Variants in GTF2IRD1 observed in about 807,000 individuals in gnomAD.
The protein encoded by GTF2IRD1 is GTF2I repeat domain containing 1.
GTF2IRD1 carries 26 observed loss-of-function variants against 113.2 expected under a neutral mutation model. That is an observed-to-expected ratio of 0.23 (90% confidence interval 0.17 to 0.32). GTF2IRD1 has a LOEUF of 0.32. Ranked by LOEUF, GTF2IRD1 falls within the 10% of genes least tolerant of loss-of-function variation. The probability of loss-of-function intolerance (pLI) is 1.00; values close to 1 mark genes in which losing one functional copy is unlikely to be tolerated. For missense variants in GTF2IRD1, 864 were observed against 1,280.8 expected (o/e 0.67, Z 4.97); for synonymous variants, 484 against 529.1 (o/e 0.91, Z 1.17).
chr7:74,568,013 C>T (rs1426602993), intron 22 of GTF2IRD1, among the ~76,000 whole-genome samples: 1 of 152,004 alleles, frequency 6.6e-6, no homozygotes, highest in East Asian at 1.9e-4. Context: ...TGTCAAACTC[C>T]TGACCTCAAA....
chr7:74,555,665 G>A lies in GTF2IRD1; in HGVS notation c.2023+171G>A, dbSNP rs1457821861. Among the ~76,000 whole-genome samples the A allele has an allele frequency of 6.6e-6, 1 of 152,200 alleles. No individual in the cohort carries two copies. The highest frequency in any genetic ancestry group is 1.5e-5 in the Non-Finnish European group (1 of 68,032). ...GGCCCGGCTGTACCCTGCCAGCTCT[G>A]TGTTAGAGACTCCAGGGGAGAGGGG... On this transcript the variant is annotated intron_variant, in intron 19 of 26. Transcript: ENST00000424337. This position sits in a 1 kb window ranked among gnomAD's most constrained non-coding sequence, Gnocchi z 5.3.
chr7:74,528,672 A>AGGAG lies in GTF2IRD1; in HGVS notation c.1091-1042_1091-1039dup, dbSNP rs373735931. ...AGTGCTATTTGAGCAAACACCTGAA[A>AGGAG]GGAGGGAGGGAGGGAGGGAGGGAAG... is the stretch of plus-strand genomic sequence containing the variant. On this transcript the variant is annotated intron_variant, in intron 8 of 26. Transcript: ENST00000424337. Among the ~76,000 whole-genome samples, 623 of 122,810 alleles carry AGGAG rather than the reference A, an allele frequency of 5.1e-3. 10 individuals are homozygous for AGGAG. The highest frequency in any genetic ancestry group is 0.018 in the African/African-American group (566 of 32,256). The allele number at this position is 122,810 out of a possible 152,430, so 80.6% of individuals were successfully genotyped here.
chr7:74,498,729 T>TTC (rs71892474), intron 1 of GTF2IRD1, among the ~76,000 whole-genome samples: 14 of 92,022 alleles, frequency 1.5e-4, no homozygotes, highest in East Asian at 4.7e-4. Context: ...CCTGTAGTTC[T>TTC]TTTTTTTTTT....
chr7:74,583,376 T>C (rs868976127), intron 22 of GTF2IRD1, among the ~76,000 whole-genome samples: 45 of 148,024 alleles, frequency 3.0e-4, no homozygotes, highest in African/African-American at 8.7e-4. Context: ...TTTTTCTTTT[T>C]TTTTTTTTTT....
chr7:74,577,330 C>T (rs1453062549), intron 22 of GTF2IRD1, among the ~76,000 whole-genome samples: 17 of 152,152 alleles, frequency 1.1e-4, no homozygotes, highest in Admixed American at 9.2e-4. Flanking sequence ...TGAGCCACCG[C>T]GCCCAGCTGG....
intron 21 of GTF2IRD1, 23 bp downstream of exon 21, chr7:74,559,067 G>A: frequency 6.2e-7 from 1 of 1,604,726 alleles, no homozygotes; most frequent in Non-Finnish European, 8.5e-7. Context: ...AAGGGTGAGG[G>A]TGAAGAGGCA....
chr7:74,529,788 G>C lies in GTF2IRD1; in HGVS notation c.1145G>C (p.Cys382Ser). The change falls in exon 9 of 27, where the codon TGT (cysteine) becomes TCT (serine). Residue 382 changes from cysteine (C) to serine (S), a missense_variant. By Grantham distance (112) the Cys-to-Ser change is moderately radical. Transcript: ENST00000424337. ...CCCGTGCCCTACCGGAAGATTGCCT[G>C]TGACCCGGAGGCTGTGGAGATCGTG... is the stretch of plus-strand genomic sequence containing the variant. Reference protein sequence around the residue: ...MVPVPYRKIACDPEAVEIVGI... With the variant: ...MVPVPYRKIASDPEAVEIVGI... The C allele has an allele frequency of 1.2e-6, 2 of 1,614,096 alleles. No homozygotes were observed. The highest frequency in any genetic ancestry group is 2.2e-5 in the South Asian group (2 of 91,082).
At chr7:74,494,190 G>A (rs1238847703) in intron 1 of GTF2IRD1, among the ~76,000 whole-genome samples, 4 of 152,212 alleles carry the variant, frequency 2.6e-5, no homozygotes, top group Admixed American at 2.0e-4. Flanking sequence ...AAAGGTTGCC[G>A]GTGGGAGTTG....
chr7:74,578,888 G>A (rs1801242671), intron 22 of GTF2IRD1, among the ~76,000 whole-genome samples: 1 of 151,956 alleles, frequency 6.6e-6, no homozygotes, highest in African/African-American at 2.4e-5. Flanking sequence ...TCAAGAGGCT[G>A]AGGCGGGAGG....
At chr7:74,566,328 C>T (rs1220997955) in intron 22 of GTF2IRD1, among the ~76,000 whole-genome samples, 1 of 152,172 alleles carries the variant, frequency 6.6e-6, no homozygotes, top group Non-Finnish European at 1.5e-5. Context: ...CCTCACACCA[C>T]AGACACCTAA....
Position 74,593,754 on chromosome 7 carries a change from A to AT in GTF2IRD1, c.2592-1258dup, listed in dbSNP as rs1554370940. On this transcript the variant is annotated intron_variant, in intron 24 of 26. Coordinates refer to ENST00000424337, the MANE Select transcript of GTF2IRD1 (RefSeq NM_005685.4). ...TCTCAAAAAAAAAAAAAAAAAAAAA[A>AT]TTAGCTAAGTGTGGTGGCATGTGCC... Among the ~76,000 whole-genome samples, 303 of 138,584 alleles carry AT rather than the reference A, an allele frequency of 2.2e-3. 33 individuals carry two copies. The highest frequency in any genetic ancestry group is 2.6e-3 in the Non-Finnish European group (165 of 63,296). The allele number at this position is 138,584 out of a possible 152,430, so 90.9% of individuals were successfully genotyped here. A position where few individuals can be genotyped will look rare whatever the true frequency, so the allele number is the denominator to read the frequency against.
intron 1 of GTF2IRD1, among the ~76,000 whole-genome samples, chr7:74,484,443 G>A (rs1056446208): frequency 1.3e-5 from 2 of 149,138 alleles, no homozygotes; most frequent in African/African-American, 5.0e-5. Flanking sequence ...CACCACACCC[G>A]GCCATCCTTC....
intron 1 of GTF2IRD1, among the ~76,000 whole-genome samples, chr7:74,477,911 T>G (rs998610358): frequency 6.6e-6 from 1 of 152,196 alleles, no homozygotes; most frequent in Non-Finnish European, 1.5e-5. Context: ...TGTTTATGTC[T>G]GGCAAGCGAA....
In GTF2IRD1 at chr7:74,555,028, G is replaced by T. The variant is rs1228058361; in HGVS notation, c.1917-146G>T. The stretch of plus-strand genomic sequence containing the variant: ...GCGCAGCCCCCCAGATTCCACATGT[G>T]GGGCGGCAGGGACTCCAGGCCTGAA... On this transcript the variant is annotated intron_variant, in intron 17 of 26. Coordinates refer to ENST00000424337, the MANE Select transcript of GTF2IRD1 (RefSeq NM_005685.4). The surrounding 1 kb of genome is among the most constrained non-coding windows in gnomAD (Gnocchi z 5.3). 3 of 676,664 alleles carry T rather than the reference G, an allele frequency of 4.4e-6. No homozygotes were observed. Among genetic ancestry groups the T allele is most frequent in the Non-Finnish European group, 7.4e-6 (3 of 405,092 alleles). 41.9% of individuals were successfully genotyped at this position (676,664 alleles called of 1,614,324 possible).
At position 74,508,108 on chromosome 7, in the gene GTF2IRD1, G is replaced by A. The variant is rs782698944; in HGVS notation, c.28G>A (p.Val10Ile). The A allele has an allele frequency of 2.2e-5, 36 of 1,609,692 alleles. No individual in the cohort carries two copies. Among genetic ancestry groups the A allele is most frequent in the Middle Eastern group, 3.3e-4 (2 of 6,084 alleles). ...GGCCTTGCTGGGTAAGCGCTGTGAC[G>A]TCCCCACCAACGGCTGCGGACCCGA... The part of the protein sequence containing the change: MALLGKRCD[V>I]PTNGCGPDRW... Residue 10 changes from valine (V) to isoleucine (I), a missense_variant, in exon 2 of 27, where the codon GTC becomes ATC. By Grantham distance (29) the Val-to-Ile change is conservative. Transcript: ENST00000424337.
intron 1 of GTF2IRD1, among the ~76,000 whole-genome samples, chr7:74,465,281 G>A (rs1268763029): frequency 6.6e-6 from 1 of 152,092 alleles, no homozygotes; most frequent in Admixed American, 6.6e-5. Context: ...CACCTGCCCC[G>A]GGCCACCAGC....
intron 1 of GTF2IRD1, among the ~76,000 whole-genome samples, chr7:74,483,382 A>AC (rs199640274): frequency 2.0e-5 from 3 of 149,662 alleles, no homozygotes; most frequent in African/African-American, 7.7e-5. Flanking sequence ...TAAAAAAAAA[A>AC]AAATTTTTTT....
At chr7:74,500,154 C>T (rs1030668059) in intron 1 of GTF2IRD1, among the ~76,000 whole-genome samples, 7 of 152,138 alleles carry the variant, frequency 4.6e-5, no homozygotes, top group African/African-American at 9.7e-5. Flanking sequence ...GGCTCACAGG[C>T]GACCCATCAA....
At chr7:74,553,503 G>A (rs1554355705) in intron 17 of GTF2IRD1, among the ~76,000 whole-genome samples, 1 of 151,584 alleles carries the variant, frequency 6.6e-6, no homozygotes, top group African/African-American at 2.4e-5. Flanking sequence ...GCCCAAGCTG[G>A]TCTCCAACTC....
Sources: gnomAD v4.1 joint callset for allele counts (sites outside exome capture counted in the v4.1 genomes callset) on GRCh38, gnomAD v4.1.1 for gene constraint, Gnocchi (gnomAD v3.1) non-coding constraint, MANE v1.5 for transcripts, NCBI Gene and HGNC (gene_info 2026-07-23, HGNC 2026-07-21) for gene names.